Variants in ABTB3 observed in about 807,000 individuals in gnomAD.
ABTB3 encodes the protein ankyrin repeat and BTB domain containing 3.
chr12:107,495,729 C>A, the ABTB3 span, among the ~76,000 whole-genome samples: 6 of 152,204 alleles, frequency 3.9e-5, no homozygotes, highest in Non-Finnish European at 7.3e-5. Flanking sequence ...TCGTTCCTGG[C>A]AGCTTCTCAT....
At chr12:107,516,932 CTCT>C in the ABTB3 span, among the ~76,000 whole-genome samples, 2 of 152,106 alleles carry the variant, frequency 1.3e-5, no homozygotes, top group African/African-American at 4.8e-5. Flanking sequence ...TGAATATGTC[CTCT>C]TCTTTTGCAT....
At chr12:107,543,540 G>C in the ABTB3 span, among the ~76,000 whole-genome samples, 5 of 151,974 alleles carry the variant, frequency 3.3e-5, no homozygotes, top group Non-Finnish European at 7.4e-5. Context: ...AAGGCTCAGG[G>C]GCAATAGAGA....
chr12:107,416,714 G>T, the ABTB3 span, among the ~76,000 whole-genome samples: 1 of 152,156 alleles, frequency 6.6e-6, no homozygotes, highest in African/African-American at 2.4e-5. Flanking sequence ...AGGCTAGAGT[G>T]CAGTGGCACA....
chr12:107,571,828 G>A, the ABTB3 span, among the ~76,000 whole-genome samples: 2 of 152,248 alleles, frequency 1.3e-5, no homozygotes, highest in African/African-American at 4.8e-5. Flanking sequence ...GCACAGGCTG[G>A]CTGGCTGGTC....
chr12:107,562,357 T>C, the ABTB3 span, among the ~76,000 whole-genome samples: 3 of 152,238 alleles, frequency 2.0e-5, no homozygotes, highest in Non-Finnish European at 4.4e-5. Context: ...AGAGAAGTTT[T>C]CTCTAAGGAG....
At chr12:107,635,514 T>C in the ABTB3 span, 1 of 747,022 alleles carries the variant, frequency 1.3e-6, no homozygotes, top group South Asian at 1.9e-5. Context: ...AGTACAGGAG[T>C]CAGGCCGGGG....
At chr12:107,422,244 G>C in the ABTB3 span, among the ~76,000 whole-genome samples, 2 of 152,248 alleles carry the variant, frequency 1.3e-5, no homozygotes, top group East Asian at 3.9e-4. Flanking sequence ...TATAAGCAAG[G>C]CCAGCATGGC....
At chr12:107,584,428 A>G in the ABTB3 span, among the ~76,000 whole-genome samples, 1 of 152,240 alleles carries the variant, frequency 6.6e-6, no homozygotes, top group African/African-American at 2.4e-5. Context: ...AGAATGGAGG[A>G]CTTGGCAAAT....
chr12:107,556,435 G>A, the ABTB3 span, among the ~76,000 whole-genome samples: 1 of 152,244 alleles, frequency 6.6e-6, no homozygotes, highest in African/African-American at 2.4e-5. Flanking sequence ...GGCTCAGAGA[G>A]GTTATGTAGC....
the ABTB3 span, among the ~76,000 whole-genome samples, chr12:107,419,490 C>A: frequency 1.3e-5 from 2 of 152,080 alleles, no homozygotes; most frequent in Non-Finnish European, 2.9e-5. Context: ...CTCTCCAACC[C>A]CTAATATTCC....
the ABTB3 span, among the ~76,000 whole-genome samples, chr12:107,428,318 G>A: frequency 6.6e-6 from 1 of 152,252 alleles, no homozygotes; most frequent in South Asian, 2.1e-4. Context: ...AACATATGCT[G>A]CCAGTTCCCC....
At chr12:107,539,242 A>G in the ABTB3 span, among the ~76,000 whole-genome samples, 1 of 152,050 alleles carries the variant, frequency 6.6e-6, no homozygotes, top group Non-Finnish European at 1.5e-5. Context: ...TCCTCACTGG[A>G]AAATTAAAAA....
At chr12:107,519,572 C>T in the ABTB3 span, among the ~76,000 whole-genome samples, 1 of 152,170 alleles carries the variant, frequency 6.6e-6, no homozygotes, top group Non-Finnish European at 1.5e-5. Context: ...CCTTCCCTGG[C>T]CTCCCAAATT....
the ABTB3 span, among the ~76,000 whole-genome samples, chr12:107,371,217 T>A: frequency 1.3e-5 from 2 of 152,190 alleles, no homozygotes; most frequent in African/African-American, 4.8e-5. Context: ...TGTGTCAGAA[T>A]GAGACTAAAT....
chr12:107,610,366 C>G, the ABTB3 span: 1 of 1,613,366 alleles, frequency 6.2e-7, no homozygotes, highest in Non-Finnish European at 8.5e-7. Context: ...GTACAGGGTC[C>G]GAGGGTCTGA....
the ABTB3 span, among the ~76,000 whole-genome samples, chr12:107,502,815 T>C: frequency 2.0e-5 from 3 of 152,084 alleles, no homozygotes; most frequent in African/African-American, 4.8e-5. Context: ...GCCTGATGAT[T>C]TGAGGTGGAA....
At chr12:107,394,176 G>C in the ABTB3 span, among the ~76,000 whole-genome samples, 3 of 152,090 alleles carry the variant, frequency 2.0e-5, no homozygotes, top group Non-Finnish European at 4.4e-5. Context: ...ACATCATCTT[G>C]CGTGATTCTT....
At chr12:107,376,655 A>G in the ABTB3 span, among the ~76,000 whole-genome samples, 63 of 151,784 alleles carry the variant, frequency 4.2e-4, no homozygotes, top group Admixed American at 2.6e-3. Context: ...CCGGGGTGCA[A>G]TACAGCAGTA....
the ABTB3 span, among the ~76,000 whole-genome samples, chr12:107,493,988 A>G: frequency 0.33 from 50,324 of 151,940 alleles, 10,843 homozygotes; most frequent in African/African-American, 0.62. Flanking sequence ...CAGTAAGTGT[A>G]GAACTTTGTT....
Sources: allele counts gnomAD v4.1 joint callset (sites outside exome capture counted in the v4.1 genomes callset), GRCh38; gene constraint gnomAD v4.1.1; transcripts MANE v1.5; gene names NCBI Gene and HGNC (gene_info 2026-07-23, HGNC 2026-07-21).